PAQR5: variants seen among roughly 807,000 people sequenced by gnomAD.
The protein encoded by PAQR5 is membrane progestin receptor gamma.
Under a neutral mutation model 34.5 loss-of-function variants are expected in PAQR5, and 20 were observed. The observed-to-expected ratio is 0.58, with a 90% confidence interval of 0.41 to 0.84. The LOEUF (loss-of-function observed/expected upper bound fraction) is 0.84. PAQR5 is among the 40% of genes least tolerant of loss of function. The pLI, the probability that PAQR5 is intolerant of heterozygous loss-of-function variation, is 0.00. For synonymous variants in PAQR5, 131 were observed against 155.6 expected, an observed-to-expected ratio of 0.84 and a Z score of 1.18; for missense variants, 378 against 412.7, an observed-to-expected ratio of 0.92 and a Z score of 0.73.
chr15:69,299,637 C>A (rs1219391136), intron 1 of PAQR5, among the ~76,000 whole-genome samples: 3 of 152,194 alleles, frequency 2.0e-5, no homozygotes, highest in East Asian at 3.9e-4. Flanking sequence ...CCGGCCACAG[C>A]CCCCAGCTGG....
At chr15:69,394,131 T>TC (rs1202074989) in intron 6 of PAQR5, among the ~76,000 whole-genome samples, 7 of 151,786 alleles carry the variant, frequency 4.6e-5, no homozygotes, top group African/African-American at 1.7e-4. Context: ...TTTTTTTTTT[T>TC]CAAAGAGCTG....
chr15:69,389,986 T>C (rs1003179843), intron 6 of PAQR5, among the ~76,000 whole-genome samples: 3 of 152,186 alleles, frequency 2.0e-5, no homozygotes, highest in Non-Finnish European at 4.4e-5. Flanking sequence ...GAGAGTCTCA[T>C]ACTTGGTTTA....
chr15:69,372,629 GTAAGTTGGCA>G (rs1385627308), intron 3 of PAQR5, among the ~76,000 whole-genome samples: 7 of 152,192 alleles, frequency 4.6e-5, no homozygotes, highest in Non-Finnish European at 1.5e-5. Context: ...CACCACTGTT[GTAAGTTGGCA>G]TTTTCCTGTA....
At chr15:69,375,958 A>G (rs1414162276) in intron 3 of PAQR5, among the ~76,000 whole-genome samples, 1 of 152,154 alleles carries the variant, frequency 6.6e-6, no homozygotes, top group Non-Finnish European at 1.5e-5. Flanking sequence ...TGAAACTGTC[A>G]CGGTAGAATT....
intron 1 of PAQR5, among the ~76,000 whole-genome samples, chr15:69,304,096 A>G (rs1023066594): frequency 1.3e-5 from 2 of 152,206 alleles, no homozygotes; most frequent in Admixed American, 6.5e-5. Context: ...CTTTGCCTGA[A>G]GAAACAAATC....
intron 1 of PAQR5, among the ~76,000 whole-genome samples, chr15:69,335,698 A>G (rs997320530): frequency 6.6e-6 from 1 of 151,904 alleles, no homozygotes; most frequent in African/African-American, 2.4e-5. Flanking sequence ...TTACAGATGC[A>G]TGCCACCCTT....
intron 3 of PAQR5, among the ~76,000 whole-genome samples, chr15:69,368,818 T>G (rs2055475350): frequency 6.6e-6 from 1 of 152,114 alleles, no homozygotes. Flanking sequence ...CAGGCTGGAG[T>G]GTCATGGTGC....
intron 6 of PAQR5, chr15:69,397,119 C>T (rs947672825): frequency 6.8e-6 from 3 of 444,272 alleles, no homozygotes; most frequent in South Asian, 1.6e-5. Flanking sequence ...CCTACCCGTT[C>T]CCTGTCCCTG....
chr15:69,312,181 A>C (rs2053847850), intron 1 of PAQR5, among the ~76,000 whole-genome samples: 1 of 152,116 alleles, frequency 6.6e-6, no homozygotes, highest in African/African-American at 2.4e-5. Context: ...GAAAATCTGC[A>C]ATGAGGAGGT....
At chr15:69,390,009 CT>C (rs1228500561) in intron 6 of PAQR5, among the ~76,000 whole-genome samples, 1 of 152,126 alleles carries the variant, frequency 6.6e-6, no homozygotes. Context: ...ACTCTGCTGC[CT>C]TTTTTTGTTT....
chr15:69,336,834 T>C (rs1372295888), intron 1 of PAQR5, among the ~76,000 whole-genome samples: 2 of 152,362 alleles, frequency 1.3e-5, no homozygotes, highest in Non-Finnish European at 2.9e-5. Context: ...AATTCTGATA[T>C]GATTTAGTGT....
At chr15:69,338,713 C>T (rs899457629) in intron 2 of PAQR5, among the ~76,000 whole-genome samples, 2 of 152,220 alleles carry the variant, frequency 1.3e-5, no homozygotes, top group African/African-American at 4.8e-5. Context: ...AAAATTATGA[C>T]TGAGACAATC....
At chr15:69,350,275 A>G (rs550809941) in intron 2 of PAQR5, among the ~76,000 whole-genome samples, 1 of 152,328 alleles carries the variant, frequency 6.6e-6, no homozygotes, top group African/African-American at 2.4e-5. Flanking sequence ...AGTGAAATAG[A>G]AAGTCTACTA....
chr15:69,360,338 T>C (rs2055199776), intron 3 of PAQR5, among the ~76,000 whole-genome samples: 1 of 152,226 alleles, frequency 6.6e-6, no homozygotes, highest in Admixed American at 6.5e-5. Context: ...GTTGTTTAAG[T>C]TGTAACCCTT....
intron 7 of PAQR5, chr15:69,397,842 T>C (rs2056495609): frequency 1.5e-5 from 7 of 475,264 alleles, no homozygotes; most frequent in Non-Finnish European, 2.3e-5. Flanking sequence ...AACAGTCTGA[T>C]ATATCTTTCT....
intron 1 of PAQR5, among the ~76,000 whole-genome samples, chr15:69,315,349 G>T (rs2053923018): frequency 6.6e-6 from 1 of 152,260 alleles, no homozygotes; most frequent in South Asian, 2.1e-4. Flanking sequence ...TAAAAGAAAA[G>T]AAAAGTTTGC....
intron 2 of PAQR5, among the ~76,000 whole-genome samples, chr15:69,351,887 G>A (rs1055169283): frequency 2.6e-5 from 4 of 152,178 alleles, no homozygotes; most frequent in Non-Finnish European, 4.4e-5. Context: ...AACCAAGAAA[G>A]AAGCGCATGA....
chr15:69,322,913 C>T (rs996002290), intron 1 of PAQR5, among the ~76,000 whole-genome samples: 6 of 149,102 alleles, frequency 4.0e-5, no homozygotes, highest in Non-Finnish European at 4.4e-5. Context: ...AAATAACGAG[C>T]ACAAAGAGCG....
chr15:69,390,348 A>ATT lies in PAQR5; in HGVS notation c.512+570_512+571dup, dbSNP rs67519047. On this transcript the variant is annotated intron_variant, in intron 6 of 8. Transcript: ENST00000395407. ...TATTTATTTATTTATTTATTTATTT[A>ATT]TTTATTTATTTATTTTTTTGAGACA... Among the ~76,000 whole-genome samples the ATT allele has an allele frequency of 7.0e-3, 871 of 124,884 alleles. 26 individuals are homozygous for ATT. The highest frequency in any genetic ancestry group is 0.051 in the Middle Eastern group (12 of 236). 81.9% of individuals were successfully genotyped at this position (124,884 alleles called of 152,430 possible).
Sources: gnomAD v4.1 joint callset for allele counts (sites outside exome capture counted in the v4.1 genomes callset) on GRCh38, gnomAD v4.1.1 for gene constraint, MANE v1.5 for transcripts, NCBI Gene and HGNC (gene_info 2026-07-23, HGNC 2026-07-21) for gene names.